Variants in RPS6KA2 observed in about 807,000 individuals in gnomAD.
RPS6KA2 encodes the protein ribosomal protein S6 kinase A2.
RPS6KA2 carries 42 observed loss-of-function variants against 91.8 expected under a neutral mutation model. The observed-to-expected ratio is 0.46, with a 90% CI of 0.36 to 0.59. The LOEUF (loss-of-function observed/expected upper bound fraction) is 0.59. Among genes scored for constraint, RPS6KA2 ranks in the 20% least tolerant of loss-of-function variants. RPS6KA2 has a pLI of 0.00. For synonymous variants in RPS6KA2, 414 were observed against 393.6 expected (o/e 1.05, Z -0.61); for missense variants, 798 against 978.5 (o/e 0.82, Z 2.46).
intron 1 of RPS6KA2, among the ~76,000 whole-genome samples, chr6:166,624,028 C>G (rs1260949733): frequency 6.6e-6 from 1 of 151,256 alleles, no homozygotes; most frequent in Non-Finnish European, 1.5e-5. Context: ...TTTTGCCAAG[C>G]ATAAATGTAA....
intron 1 of RPS6KA2, among the ~76,000 whole-genome samples, chr6:166,544,404 C>G (rs538760603): frequency 6.6e-6 from 1 of 152,188 alleles, no homozygotes; most frequent in Non-Finnish European, 1.5e-5. Context: ...GGCACGACTC[C>G]TGATAGCTCG....
chr6:166,586,073 T>C, intron 1 of RPS6KA2: 1 of 1,030,828 alleles, frequency 9.7e-7, no homozygotes. Context: ...CAAACTTTTC[T>C]CATGGTAACA....
chr6:166,455,209 G>A (rs1780059889), intron 12 of RPS6KA2, among the ~76,000 whole-genome samples: 1 of 152,142 alleles, frequency 6.6e-6, no homozygotes, highest in African/African-American at 2.4e-5. Flanking sequence ...CAGGTGTGTG[G>A]GGGTGGGAGG....
Position 166,767,544 on chromosome 6 carries a change from C to G in RPS6KA2, c.123+90656G>C, listed in dbSNP as rs661325. Among the ~76,000 whole-genome samples the G allele has an allele frequency of 0.73, 111,033 of 151,952 alleles. 41,605 individuals are homozygous for G. The highest frequency in any genetic ancestry group is 0.9 in the African/African-American group (37,272 of 41,444). ...TGTCACCCAGGAGCCCTTCAGACTGCGCTCCACTTGCCAGCAAGCCTCAAA... is the reference window on the plus strand; with the variant it reads ...TGTCACCCAGGAGCCCTTCAGACTGGGCTCCACTTGCCAGCAAGCCTCAAA... On this transcript the variant is annotated intron_variant, in intron 2 of 21. Transcript: ENST00000503859. This position sits in a 1 kb window ranked among gnomAD's most constrained non-coding sequence, Gnocchi z 4.6.
chr6:166,746,704 A>G (rs1341193548), intron 2 of RPS6KA2, among the ~76,000 whole-genome samples: 1 of 152,136 alleles, frequency 6.6e-6, no homozygotes, highest in Non-Finnish European at 1.5e-5. Context: ...ATTGTCTTCA[A>G]CTAATTTGCT....
chr6:166,594,672 C>T (rs1168733045), intron 1 of RPS6KA2, among the ~76,000 whole-genome samples: 1 of 152,196 alleles, frequency 6.6e-6, no homozygotes, highest in Non-Finnish European at 1.5e-5. Context: ...CTGTGTTAGC[C>T]AGGATGGTCT....
At chr6:166,632,519 G>A (rs907903547) in intron 2 of RPS6KA2, among the ~76,000 whole-genome samples, 3 of 151,986 alleles carry the variant, frequency 2.0e-5, no homozygotes, top group East Asian at 3.9e-4. Context: ...GGCTAAGGCA[G>A]GAGCATCCCT....
At position 166,494,676 on chromosome 6, in the gene RPS6KA2, C is replaced by T. The variant is rs966974720; in HGVS notation, c.747+3832G>A. On this transcript the variant is annotated intron_variant, in intron 8 of 20. Transcript: ENST00000265678. The surrounding 1 kb of genome is among the most constrained non-coding windows in gnomAD (Gnocchi z 5.1). ...CCAGGTACCAGCTCCTAATTTCAGA[C>T]ACGGAATTTTATTCAGGGACACTGA... Among the ~76,000 whole-genome samples, 1 of 152,200 alleles carries T rather than the reference C, an allele frequency of 6.6e-6. No individual in the cohort carries two copies. The highest frequency in any genetic ancestry group is 2.4e-5 in the African/African-American group (1 of 41,432).
At chr6:166,468,233 A>G (rs1289423656) in intron 11 of RPS6KA2, among the ~76,000 whole-genome samples, 1 of 152,250 alleles carries the variant, frequency 6.6e-6, no homozygotes, top group Non-Finnish European at 1.5e-5. Context: ...AAGCTAAGTA[A>G]GAGACTCCAA....
At chr6:166,807,916 G>C (rs1029831415) in intron 2 of RPS6KA2, among the ~76,000 whole-genome samples, 1 of 151,990 alleles carries the variant, frequency 6.6e-6, no homozygotes, top group African/African-American at 2.4e-5. Context: ...TCCTTCTAAG[G>C]TTCCATATAA....
chr6:166,436,970 G>A (rs559945868), intron 14 of RPS6KA2, among the ~76,000 whole-genome samples: 19 of 152,296 alleles, frequency 1.2e-4, no homozygotes, highest in Non-Finnish European at 2.5e-4. Context: ...CAGCGTTTCC[G>A]TCCCGGATGC....
intron 2 of RPS6KA2, among the ~76,000 whole-genome samples, chr6:166,796,418 GTC>G (rs1161002114): frequency 1.3e-5 from 2 of 152,074 alleles, no homozygotes; most frequent in Non-Finnish European, 2.9e-5. Context: ...ATAAAACCCT[GTC>G]TCTATTAAAA....
intron 1 of RPS6KA2, among the ~76,000 whole-genome samples, chr6:166,555,357 GC>G (rs1172177522): frequency 4.6e-5 from 7 of 152,136 alleles, no homozygotes; most frequent in Non-Finnish European, 1.0e-4. Context: ...GAGCCATAAA[GC>G]TTTTGTTTAA....
chr6:166,521,599 C>T (rs1782856838), intron 3 of RPS6KA2, among the ~76,000 whole-genome samples: 2 of 152,202 alleles, frequency 1.3e-5, no homozygotes, highest in South Asian at 2.1e-4. Flanking sequence ...TTTTCATAGG[C>T]TCACAGCTGG....
At chr6:166,569,038 A>G (rs1266347283) in intron 1 of RPS6KA2, among the ~76,000 whole-genome samples, 1 of 152,230 alleles carries the variant, frequency 6.6e-6, no homozygotes, top group Non-Finnish European at 1.5e-5. Context: ...ACAAAAGATT[A>G]TATTCTGGAT....
intron 2 of RPS6KA2, among the ~76,000 whole-genome samples, chr6:166,727,419 G>A (rs899907500): frequency 6.6e-6 from 1 of 152,078 alleles, no homozygotes; most frequent in Non-Finnish European, 1.5e-5. Flanking sequence ...CATGAAGGTT[G>A]TGATGCCTGG....
rs397953275 is a variant in RPS6KA2 at position 166,553,448 on chromosome 6, CT to C, written c.100-14665del. Among the ~76,000 whole-genome samples, 625 of 140,180 alleles carry C rather than the reference CT, an allele frequency of 4.5e-3. 2 individuals carry two copies. Among genetic ancestry groups the C allele is most frequent in the African/African-American group, 0.011 (430 of 38,170 alleles). The allele number at this position is 140,180 out of a possible 152,430, so 92.0% of individuals were successfully genotyped here. A position where few individuals can be genotyped will look rare whatever the true frequency, so the allele number is the denominator to read the frequency against. On this transcript the variant is annotated intron_variant, in intron 1 of 20. Coordinates refer to ENST00000265678, the MANE Select transcript of RPS6KA2 (RefSeq NM_021135.6). ...CTCCACTTACTCATGTTTAGTCCCA[CT>C]TTTTTTTTTTTTTCCTTAAACTCCT...
At chr6:166,649,933 T>C (rs1787795898) in intron 2 of RPS6KA2, among the ~76,000 whole-genome samples, 1 of 152,162 alleles carries the variant, frequency 6.6e-6, no homozygotes, top group Non-Finnish European at 1.5e-5. Flanking sequence ...ATGCCCAACA[T>C]GATCTCGATA....
chr6:166,841,218 A>G (rs1780469748), intron 2 of RPS6KA2, among the ~76,000 whole-genome samples: 2 of 152,196 alleles, frequency 1.3e-5, no homozygotes, highest in African/African-American at 4.8e-5. Flanking sequence ...ACACCGCTGC[A>G]CTCCAGCCTG....
Sources: gnomAD v4.1 joint callset for allele counts (sites outside exome capture counted in the v4.1 genomes callset) on GRCh38, gnomAD v4.1.1 for gene constraint, Gnocchi (gnomAD v3.1) non-coding constraint, MANE v1.5 for transcripts, NCBI Gene and HGNC (gene_info 2026-07-23, HGNC 2026-07-21) for gene names.